The following AFTPH variants were observed in gnomAD, a reference collection of about 807,000 sequenced individuals.
The protein encoded by AFTPH is aftiphilin.
In AFTPH, 7 loss-of-function variants were observed where a neutral mutation model predicts 72.5. That is an observed-to-expected ratio of 0.10 (90% CI 0.05 to 0.18). The LOEUF (loss-of-function observed/expected upper bound fraction) is 0.18. Ranked by LOEUF, AFTPH falls within the 10% of genes least tolerant of loss-of-function variation. The pLI, the probability that AFTPH is intolerant of heterozygous loss-of-function variation, is 1.00. For synonymous variants in AFTPH, 337 were observed against 370.1 expected, an observed-to-expected ratio of 0.91 and a Z score of 1.03; for missense variants, 979 against 1,060.5, an observed-to-expected ratio of 0.92 and a Z score of 1.07.
chr2:64,530,400 A>G (rs1161037162), intron 1 of AFTPH, among the ~76,000 whole-genome samples: 1 of 152,168 alleles, frequency 6.6e-6, no homozygotes, highest in African/African-American at 2.4e-5. Flanking sequence ...CATTATCTAC[A>G]TCATATTATG....
At chr2:64,532,401 A>G (rs1269673168) in intron 1 of AFTPH, among the ~76,000 whole-genome samples, 1 of 152,208 alleles carries the variant, frequency 6.6e-6, no homozygotes, top group Non-Finnish European at 1.5e-5. Context: ...TTTTAAAAAG[A>G]TTACTTGGGT....
chr2:64,536,482 T>A (rs1435159189), intron 1 of AFTPH, among the ~76,000 whole-genome samples: 1 of 146,642 alleles, frequency 6.8e-6, no homozygotes, highest in African/African-American at 2.5e-5. Context: ...GGTGGGAGAA[T>A]CGCCTGAACC....
intron 2 of AFTPH, among the ~76,000 whole-genome samples, chr2:64,564,537 C>G (rs989390148): frequency 2.6e-5 from 4 of 151,986 alleles, no homozygotes; most frequent in Non-Finnish European, 5.9e-5. Flanking sequence ...TCGCTTGAAC[C>G]TGAGAGGCCA....
intron 2 of AFTPH, among the ~76,000 whole-genome samples, chr2:64,557,704 T>A (rs1671466751): frequency 6.6e-6 from 1 of 152,230 alleles, no homozygotes; most frequent in Non-Finnish European, 1.5e-5. Flanking sequence ...TAGCTAATAT[T>A]TATGCAGGTT....
intron 6 of AFTPH, among the ~76,000 whole-genome samples, chr2:64,575,758 A>C (rs1365968310): frequency 7.5e-6 from 1 of 133,866 alleles, no homozygotes; most frequent in African/African-American, 3.1e-5. Flanking sequence ...TTTTTTTTGG[A>C]GGTAGAGTCT....
intron 1 of AFTPH, among the ~76,000 whole-genome samples, chr2:64,546,745 C>T (rs181906398): frequency 1.3e-5 from 2 of 152,088 alleles, no homozygotes; most frequent in South Asian, 2.1e-4. Context: ...ACAGTACTAC[C>T]ATCACAAGGC....
At chr2:64,525,747 C>T (rs1455038400) in intron 1 of AFTPH, among the ~76,000 whole-genome samples, 2 of 152,290 alleles carry the variant, frequency 1.3e-5, no homozygotes, top group East Asian at 3.9e-4. Context: ...AACACAGTCA[C>T]GTACATTTTA....
rs187614328 is a variant in AFTPH at position 64,565,067 on chromosome 2, G to C, written c.1936-2495G>C. On this transcript the variant is annotated intron_variant, in intron 2 of 8. Transcript: ENST00000238856. ...TTGGCCAGGCTGGTTTCAAACTCCT[G>C]AGCTCAAGCAATCCACCCGCCTCGG... Among the ~76,000 whole-genome samples the C allele has an allele frequency of 1.9e-3, 292 of 151,946 alleles. 4 individuals carry two copies. The highest frequency in any genetic ancestry group is 6.5e-3 in the African/African-American group (268 of 41,478).
intron 2 of AFTPH, among the ~76,000 whole-genome samples, chr2:64,566,815 G>A (rs1034543209): frequency 1.3e-5 from 2 of 151,644 alleles, no homozygotes; most frequent in African/African-American, 2.4e-5. Context: ...TGTTCTTGGT[G>A]GAAATACTCT....
intron 5 of AFTPH, among the ~76,000 whole-genome samples, chr2:64,571,404 C>G (rs9309362): frequency 1.3e-5 from 2 of 151,936 alleles, no homozygotes; most frequent in Non-Finnish European, 2.9e-5. Context: ...TTCAAATTAA[C>G]AAACTTGGCT....
chr2:64,524,466 C>A, exon 1 of AFTPH: 1 of 402,166 alleles, frequency 2.5e-6, no homozygotes, highest in Non-Finnish European at 4.4e-6. Context: ...GGTGGGCGTC[C>A]ATGGTGCTGC....
chr2:64,577,051 G>T (rs185657183), intron 6 of AFTPH, among the ~76,000 whole-genome samples: 34 of 145,066 alleles, frequency 2.3e-4, no homozygotes, highest in Admixed American at 6.0e-4. Context: ...GAGCCACCGC[G>T]CCTGGCCACC....
At chr2:64,562,454 G>C (rs1430523277) in intron 2 of AFTPH, among the ~76,000 whole-genome samples, 11 of 151,576 alleles carry the variant, frequency 7.3e-5, no homozygotes, top group Non-Finnish European at 1.6e-4. Context: ...GCAATTTTTA[G>C]AAATTGAACT....
At chr2:64,545,143 T>C (rs1309591754) in intron 1 of AFTPH, among the ~76,000 whole-genome samples, 1 of 151,930 alleles carries the variant, frequency 6.6e-6, no homozygotes. Flanking sequence ...AAAAAAGCAA[T>C]AGGTTAATCA....
At chr2:64,585,677 C>G in intron 8 of AFTPH, 132 bp downstream of exon 9, 1 of 937,666 alleles carries the variant, frequency 1.1e-6, no homozygotes, top group Non-Finnish European at 1.6e-6. Flanking sequence ...AGTCGATGCC[C>G]AAGTCCAGAA....
At chr2:64,526,804 A>C (rs1669297125) in intron 1 of AFTPH, among the ~76,000 whole-genome samples, 1 of 152,208 alleles carries the variant, frequency 6.6e-6, no homozygotes, top group East Asian at 1.9e-4. Flanking sequence ...TATGAGCAAG[A>C]TAGTTTTCTA....
At chr2:64,533,541 GACAATAAAA>G (rs1255716475) in intron 1 of AFTPH, among the ~76,000 whole-genome samples, 1 of 151,992 alleles carries the variant, frequency 6.6e-6, no homozygotes, top group Non-Finnish European at 1.5e-5. Flanking sequence ...AATTCTGTAA[GACAATAAAA>G]ACATACACCT....
chr2:64,580,103 A>C (rs1673090526), intron 7 of AFTPH: 1 of 152,708 alleles, frequency 6.5e-6, no homozygotes, highest in East Asian at 1.9e-4. Flanking sequence ...TCTAAAAATA[A>C]TTGGTTTCAC....
intron 5 of AFTPH, among the ~76,000 whole-genome samples, chr2:64,571,267 AC>A (rs79134245): frequency 0.053 from 7,303 of 138,918 alleles, 377 homozygotes; most frequent in African/African-American, 0.15. Context: ...ACCGCCCCCC[AC>A]CCCCCTGTTT....
Sources: gnomAD v4.1 joint callset for allele counts (sites outside exome capture counted in the v4.1 genomes callset) on GRCh38, gnomAD v4.1.1 for gene constraint, MANE v1.5 for transcripts, NCBI Gene and HGNC (gene_info 2026-07-23, HGNC 2026-07-21) for gene names.